The following ADAM12 variants were observed in gnomAD, a reference collection of about 807,000 sequenced individuals.
The protein encoded by ADAM12 is ADAM metallopeptidase domain 12, also known as disintegrin and metalloproteinase domain-containing protein 12.
A neutral mutation model predicts 106.4 loss-of-function variants in ADAM12; 70 were observed. The ratio of observed to expected loss-of-function variants is 0.66; its 90% CI spans 0.54 to 0.80. The LOEUF (loss-of-function observed/expected upper bound fraction) is 0.80. Ranked by LOEUF, ADAM12 falls within the 30% of genes least tolerant of loss-of-function variation. ADAM12 has a pLI of 0.00. For synonymous variants in ADAM12, 420 were observed against 433.5 expected (o/e 0.97, Z 0.39); for missense variants, 1,010 against 1,171.9 (o/e 0.86, Z 2.02).
intron 1 of ADAM12, among the ~76,000 whole-genome samples, chr10:126,335,732 G>C (rs540547569): frequency 2.0e-5 from 3 of 152,220 alleles, no homozygotes; most frequent in African/African-American, 4.8e-5. Context: ...GCTGAAAAAA[G>C]TAACTTTATA....
intron 1 of ADAM12, among the ~76,000 whole-genome samples, chr10:126,354,804 G>T (rs1855480914): frequency 6.9e-6 from 1 of 144,234 alleles, no homozygotes; most frequent in Admixed American, 7.0e-5. Flanking sequence ...CACTGCTAAA[G>T]TTTGTTTTTT....
At chr10:126,259,310 C>T (rs190593017) in intron 3 of ADAM12, among the ~76,000 whole-genome samples, 19 of 152,012 alleles carry the variant, frequency 1.2e-4, no homozygotes, top group East Asian at 5.8e-4. Flanking sequence ...GTGATACAGA[C>T]GAAAAACCCT....
intron 3 of ADAM12, among the ~76,000 whole-genome samples, chr10:126,205,897 A>G (rs1444768611): frequency 5.9e-5 from 9 of 152,208 alleles, no homozygotes; most frequent in Non-Finnish European, 2.9e-5. Context: ...TTTATTTTAT[A>G]GACAAAACAT....
intron 4 of ADAM12, among the ~76,000 whole-genome samples, chr10:126,150,175 C>T (rs1956703880): frequency 6.6e-6 from 1 of 152,216 alleles, no homozygotes; most frequent in Admixed American, 6.5e-5. Context: ...TCTAAGATCT[C>T]TCTTTTCTGT....
intron 5 of ADAM12, among the ~76,000 whole-genome samples, chr10:126,128,221 T>A (rs1009529808): frequency 9.9e-5 from 15 of 152,056 alleles, no homozygotes; most frequent in African/African-American, 3.1e-4. Context: ...GAGGTGCCAA[T>A]TCAGGAGAGG....
chr10:126,017,376 C>A, intron 22 of ADAM12, 37 bp from the exon 23 acceptor site: 1 of 1,532,990 alleles, frequency 6.5e-7, no homozygotes, highest in Non-Finnish European at 8.9e-7. Context: ...TGATCAGAGA[C>A]CTTGAGAAGT....
intron 3 of ADAM12, among the ~76,000 whole-genome samples, chr10:126,248,657 G>A (rs1161988154): frequency 7.3e-6 from 1 of 136,600 alleles, no homozygotes; most frequent in East Asian, 2.1e-4. Context: ...AGGTATGTAT[G>A]TATGTATGTA....
chr10:126,230,098 C>T (rs1024300603), intron 3 of ADAM12, among the ~76,000 whole-genome samples: 3 of 152,156 alleles, frequency 2.0e-5, no homozygotes, highest in African/African-American at 7.2e-5. Flanking sequence ...TCTTGTGGTA[C>T]TCTCCTTTCC....
chr10:126,220,795 C>T (rs1413673679), intron 3 of ADAM12, among the ~76,000 whole-genome samples: 1 of 152,216 alleles, frequency 6.6e-6, no homozygotes, highest in Non-Finnish European at 1.5e-5. Context: ...CTATTAGGAG[C>T]CGCTCCTCCC....
intron 1 of ADAM12, among the ~76,000 whole-genome samples, chr10:126,378,759 T>C (rs1248214475): frequency 6.6e-6 from 1 of 152,174 alleles, no homozygotes; most frequent in Non-Finnish European, 1.5e-5. Flanking sequence ...CTGGCAAAAA[T>C]ATGGGTGTAT....
chr10:126,301,400 A>G (rs543928316), intron 2 of ADAM12, among the ~76,000 whole-genome samples: 1 of 152,338 alleles, frequency 6.6e-6, no homozygotes, highest in Admixed American at 6.5e-5. Flanking sequence ...ATTACATTCA[A>G]TCTATGTCAG....
chr10:126,087,452 C>T (rs1955380382), intron 11 of ADAM12, among the ~76,000 whole-genome samples: 1 of 152,134 alleles, frequency 6.6e-6, no homozygotes, highest in African/African-American at 2.4e-5. Flanking sequence ...TTCATCTTAC[C>T]AGAGTTCCTC....
chr10:126,163,699 C>G (rs936621277), intron 3 of ADAM12, among the ~76,000 whole-genome samples: 3 of 152,208 alleles, frequency 2.0e-5, no homozygotes, highest in Non-Finnish European at 4.4e-5. Context: ...GTGAATCAGC[C>G]TTTCTCTTGT....
At position 126,013,473 on chromosome 10, in the gene ADAM12, G is replaced by C. The variant is rs1953603477; in HGVS notation, c.*3806C>G. On this transcript the variant is annotated 3_prime_UTR_variant, in exon 23 of 23. Transcript: ENST00000448723. This position sits in a 1 kb window ranked among gnomAD's most constrained non-coding sequence, Gnocchi z 4.3. ...CTAATTAGAACAAGACATTGGGTGG[G>C]AGGTCCTCTGCTGGACTTAGGCTGG... 1 of 152,370 alleles carries C rather than the reference G, an allele frequency of 6.6e-6. No individual in the cohort carries two copies. Among genetic ancestry groups the C allele is most frequent in the Admixed American group, 6.5e-5 (1 of 15,300 alleles). 9.4% of individuals were successfully genotyped at this position (152,370 alleles called of 1,614,324 possible).
At chr10:126,076,309 A>G (rs1459948236) in intron 11 of ADAM12, among the ~76,000 whole-genome samples, 1 of 152,146 alleles carries the variant, frequency 6.6e-6, no homozygotes, top group Non-Finnish European at 1.5e-5. Flanking sequence ...TCTTTATCCA[A>G]TCCACTGTTG....
At chr10:126,178,267 T>G (rs1590567756) in intron 3 of ADAM12, among the ~76,000 whole-genome samples, 1 of 152,294 alleles carries the variant, frequency 6.6e-6, no homozygotes, top group South Asian at 2.1e-4. Flanking sequence ...AGGAATTTGG[T>G]TTGTGACACA....
chr10:126,145,041 G>A (rs1327212322), intron 4 of ADAM12, among the ~76,000 whole-genome samples: 1 of 152,210 alleles, frequency 6.6e-6, no homozygotes, highest in African/African-American at 2.4e-5. Flanking sequence ...CACCAAAACA[G>A]TGAGTTCCTC....
intron 21 of ADAM12, among the ~76,000 whole-genome samples, chr10:126,033,558 C>CAAAAGACTAGAGAAAGAGCAGTCCA (rs1954006756): frequency 6.6e-6 from 1 of 152,074 alleles, no homozygotes; most frequent in Non-Finnish European, 1.5e-5. Flanking sequence ...TATCTTGAGC[C>CAAAAGACTAGAGAAAGAGCAGTCCA]AAAAGACTAG....
intron 2 of ADAM12, among the ~76,000 whole-genome samples, chr10:126,330,071 C>T (rs776889089): frequency 1.3e-5 from 2 of 152,000 alleles, no homozygotes; most frequent in African/African-American, 2.4e-5. Flanking sequence ...ATAATCAATT[C>T]GAGGAAATCA....
Sources: allele counts gnomAD v4.1 joint callset (sites outside exome capture counted in the v4.1 genomes callset), GRCh38; gene constraint gnomAD v4.1.1; non-coding constraint Gnocchi (gnomAD v3.1); transcripts MANE v1.5; gene names NCBI Gene and HGNC (gene_info 2026-07-23, HGNC 2026-07-21).